SH3BP5: variants seen among roughly 807,000 people sequenced by gnomAD.
SH3BP5 encodes the protein SH3 domain binding protein 5.
A neutral mutation model predicts 43.3 loss-of-function variants in SH3BP5; 22 were observed. The observed-to-expected ratio is 0.51, with a 90% CI of 0.36 to 0.73. The LOEUF (loss-of-function observed/expected upper bound fraction) is 0.73. Among genes scored for constraint, SH3BP5 ranks in the 30% least tolerant of loss-of-function variants. The pLI is 0.00. For missense variants in SH3BP5, 529 were observed against 586.9 expected (o/e 0.90, Z 1.02); for synonymous variants, 255 against 225.8 (o/e 1.13, Z -1.16).
intron 2 of SH3BP5, among the ~76,000 whole-genome samples, chr3:15,326,673 C>A (rs1051836919): frequency 6.6e-6 from 1 of 152,228 alleles, no homozygotes; most frequent in Non-Finnish European, 1.5e-5. Flanking sequence ...CGACGTTCTG[C>A]CTCCTGCTTT....
chr3:15,331,976 T>G, intron 1 of SH3BP5: 1 of 341,102 alleles, frequency 2.9e-6, no homozygotes, highest in Non-Finnish European at 5.4e-6. Context: ...CGCCCCCTTT[T>G]TCCCTTTGTT....
rs111625004 is a variant in SH3BP5, at chr3:15,300,507, C to T, written c.330+3596G>A. ...TGTAAATATAAAAAGGAAGCGGGGG[C>T]GGGGGGACAAGAGGAAGAAAACAGG... On this transcript the variant is annotated intron_variant, in intron 3 of 8. Coordinates refer to ENST00000383791, the MANE Select transcript of SH3BP5 (RefSeq NM_004844.5). Among the ~76,000 whole-genome samples, 37 of 10,528 alleles carry T rather than the reference C, an allele frequency of 3.5e-3. 1 individual carries two copies. The East Asian group carries it at 0.23, about 66-fold the overall frequency. 6.9% of individuals were successfully genotyped at this position (10,528 alleles called of 152,430 possible). A position where few individuals can be genotyped will look rare whatever the true frequency, so the allele number is the denominator to read the frequency against.
At chr3:15,297,776 T>G (rs146356006) in intron 3 of SH3BP5, among the ~76,000 whole-genome samples, 1 of 152,094 alleles carries the variant, frequency 6.6e-6, no homozygotes, top group Non-Finnish European at 1.5e-5. Flanking sequence ...ACCAACCAAC[T>G]GCTTGACAGA....
intron 4 of SH3BP5, among the ~76,000 whole-genome samples, chr3:15,265,512 T>TCTCACTCTCACA (rs1318765546): frequency 9.3e-6 from 1 of 107,934 alleles, no homozygotes; most frequent in African/African-American, 4.2e-5. Context: ...CGAGACTCCG[T>TCTCACTCTCACA]CACACACACA....
Position 15,281,489 on chromosome 3 carries a change from C to T in SH3BP5, c.331-11612G>A, listed in dbSNP as rs112985645. ...TTGGCAGAGCTCTGATCTCCCGACTCCTACCTCTCTCCTTCCTCTCCAGCA... is the reference window on the plus strand; with the variant it reads ...TTGGCAGAGCTCTGATCTCCCGACTTCTACCTCTCTCCTTCCTCTCCAGCA... On this transcript the variant is annotated intron_variant, in intron 3 of 8. Coordinates refer to ENST00000383791, the MANE Select transcript of SH3BP5 (RefSeq NM_004844.5). Among the ~76,000 whole-genome samples, 686 of 152,246 alleles carry T rather than the reference C, an allele frequency of 4.5e-3. 5 individuals are homozygous for T. The highest frequency in any genetic ancestry group is 0.016 in the African/African-American group (660 of 41,528).
intron 6 of SH3BP5, 135 bp from the exon 7 acceptor site, chr3:15,259,185 A>T: frequency 1.4e-6 from 1 of 693,164 alleles, no homozygotes; most frequent in Non-Finnish European, 2.5e-6. Flanking sequence ...TGAAGACCTA[A>T]TTACCATTGT....
intron 2 of SH3BP5, among the ~76,000 whole-genome samples, chr3:15,318,075 T>C (rs1698227568): frequency 6.6e-6 from 1 of 152,200 alleles, no homozygotes; most frequent in Admixed American, 6.5e-5. Context: ...CCTGAGAGAA[T>C]TGACTTATTC....
intron 1 of SH3BP5, among the ~76,000 whole-genome samples, chr3:15,337,931 A>AG (rs1440716020): frequency 2.6e-5 from 4 of 151,274 alleles, no homozygotes; most frequent in Non-Finnish European, 5.9e-5. Context: ...AAAAAAAAAA[A>AG]AAAAAAGTGC....
chr3:15,276,487 T>C (rs1042107830), intron 3 of SH3BP5, among the ~76,000 whole-genome samples: 3 of 152,140 alleles, frequency 2.0e-5, no homozygotes, highest in East Asian at 1.9e-4. Flanking sequence ...CACCAGACAA[T>C]TGGACGGTCT....
At chr3:15,309,934 C>A (rs763091487) in intron 2 of SH3BP5, among the ~76,000 whole-genome samples, 4 of 151,310 alleles carry the variant, frequency 2.6e-5, no homozygotes, top group African/African-American at 4.9e-5. Context: ...AAAGCCCACC[C>A]AGTTGTTTCC....
chr3:15,296,634 G>C (rs1318599548), intron 3 of SH3BP5, among the ~76,000 whole-genome samples: 2 of 150,314 alleles, frequency 1.3e-5, no homozygotes, highest in Non-Finnish European at 2.9e-5. Context: ...ATATCCTTGA[G>C]TTTATATCCT....
chr3:15,318,863 C>T (rs1010181687), intron 2 of SH3BP5, among the ~76,000 whole-genome samples: 2 of 152,248 alleles, frequency 1.3e-5, no homozygotes, highest in Non-Finnish European at 2.9e-5. Flanking sequence ...TGAGCCACTG[C>T]GCCCAGCCTC....
intron 2 of SH3BP5, among the ~76,000 whole-genome samples, chr3:15,311,849 T>G (rs1402416306): frequency 1.3e-5 from 2 of 152,030 alleles, no homozygotes; most frequent in African/African-American, 2.4e-5. Context: ...AATTTTTAAA[T>G]TTTTTGTAGA....
Position 15,306,951 on chromosome 3 carries a change from G to A in SH3BP5, c.202-2720C>T, listed in dbSNP as rs188265827. On this transcript the variant is annotated intron_variant, in intron 2 of 8. Coordinates refer to ENST00000383791, the MANE Select transcript of SH3BP5 (RefSeq NM_004844.5). ...GCCTCCCAAAGCGCTGGGATTACAG[G>A]TGTGAGCCACGGCACCCAGCCGACA... Among the ~76,000 whole-genome samples, 210 of 152,294 alleles carry A rather than the reference G, an allele frequency of 1.4e-3. 1 individual carries two copies. The highest frequency in any genetic ancestry group is 4.6e-3 in the African/African-American group (190 of 41,562).
chr3:15,287,739 C>A (rs568787380), intron 3 of SH3BP5, among the ~76,000 whole-genome samples: 1 of 152,300 alleles, frequency 6.6e-6, no homozygotes, highest in South Asian at 2.1e-4. Context: ...GCAAAACATT[C>A]CCTGATGTAA....
chr3:15,311,016 T>C (rs139374496), intron 2 of SH3BP5, among the ~76,000 whole-genome samples: 229 of 152,268 alleles, frequency 1.5e-3, no homozygotes, highest in African/African-American at 5.1e-3. Context: ...TTACCTTGCC[T>C]GGAAACTGAG....
intron 2 of SH3BP5, among the ~76,000 whole-genome samples, chr3:15,310,046 C>T (rs1366193089): frequency 2.6e-5 from 4 of 152,032 alleles, no homozygotes; most frequent in Non-Finnish European, 5.9e-5. Flanking sequence ...GTGTTACAGC[C>T]GTAATATTCC....
intron 2 of SH3BP5, among the ~76,000 whole-genome samples, chr3:15,313,293 A>T (rs889011548): frequency 1.3e-5 from 2 of 152,208 alleles, no homozygotes; most frequent in African/African-American, 4.8e-5. Context: ...AACCAATTTA[A>T]AAGACAACGT....
At chr3:15,276,041 A>AAG (rs1696955703) in intron 3 of SH3BP5, 1 of 151,304 alleles carries the variant, frequency 6.6e-6, no homozygotes, top group Non-Finnish European at 1.5e-5. Context: ...AAAAAAAAAA[A>AAG]GCCTGCTCAT....
Sources: allele counts gnomAD v4.1 joint callset (sites outside exome capture counted in the v4.1 genomes callset), GRCh38; gene constraint gnomAD v4.1.1; transcripts MANE v1.5; gene names NCBI Gene and HGNC (gene_info 2026-07-23, HGNC 2026-07-21).